The following KLF12 variants were observed in gnomAD, a reference collection of about 807,000 sequenced individuals.
The protein encoded by KLF12 is Krueppel-like factor 12.
Under a neutral mutation model 37.8 loss-of-function variants are expected in KLF12, and 9 were observed. That is an observed-to-expected ratio of 0.24 (90% CI 0.14 to 0.42). The LOEUF (loss-of-function observed/expected upper bound fraction) is 0.42, where lower values mean the gene tolerates loss of function less well. Ranked by LOEUF, KLF12 falls within the 10% of genes least tolerant of loss-of-function variation. The probability of loss-of-function intolerance (pLI) is 1.00; values close to 1 mark genes in which losing one functional copy is unlikely to be tolerated. For synonymous variants in KLF12, 208 were observed against 202.1 expected (o/e 1.03, Z -0.25); for missense variants, 411 against 516.0 (o/e 0.80, Z 1.97).
intron 1 of KLF12, among the ~76,000 whole-genome samples, chr13:74,111,152 C>CAA (rs111753857): frequency 6.3e-5 from 6 of 94,796 alleles, no homozygotes; most frequent in Admixed American, 1.1e-4. Flanking sequence ...GACTATGTCT[C>CAA]AAAAAAAAAA....
At chr13:73,905,271 AATT>A (rs1888222361) in intron 3 of KLF12, among the ~76,000 whole-genome samples, 1 of 152,096 alleles carries the variant, frequency 6.6e-6, no homozygotes, top group Non-Finnish European at 1.5e-5. Flanking sequence ...ATAACTTTCA[AATT>A]ATTGTTTTAC....
chr13:73,817,740 C>T (rs914345864), intron 4 of KLF12, among the ~76,000 whole-genome samples: 7 of 152,320 alleles, frequency 4.6e-5, no homozygotes, highest in East Asian at 3.9e-4. Context: ...TTTTAACCAA[C>T]GGAGCTGTCT....
chr13:74,078,964 G>A (rs555919531), intron 1 of KLF12, among the ~76,000 whole-genome samples: 77 of 152,100 alleles, frequency 5.1e-4, no homozygotes, highest in Non-Finnish European at 8.1e-4. Flanking sequence ...ATGCCAAATC[G>A]CCTTCAGAGA....
At chr13:74,172,116 G>C in the KLF12 span, among the ~76,000 whole-genome samples, 1 of 139,016 alleles carries the variant, frequency 7.2e-6, no homozygotes. Context: ...AATGTAGATG[G>C]ATCAATCCAA....
the KLF12 span, among the ~76,000 whole-genome samples, chr13:74,255,877 C>A: frequency 6.6e-6 from 1 of 152,034 alleles, no homozygotes; most frequent in African/African-American, 2.4e-5. Flanking sequence ...GGAATGAGGC[C>A]GGGCACGGTG....
At chr13:74,194,029 A>T in the KLF12 span, among the ~76,000 whole-genome samples, 1 of 152,172 alleles carries the variant, frequency 6.6e-6, no homozygotes, top group Non-Finnish European at 1.5e-5. Flanking sequence ...TAAGGGAAAG[A>T]TTTCATTTTC....
chr13:74,040,934 G>T (rs1893384566), intron 1 of KLF12, among the ~76,000 whole-genome samples: 1 of 152,020 alleles, frequency 6.6e-6, no homozygotes, highest in Admixed American at 6.5e-5. Context: ...TCTATTAGTT[G>T]CCAAGTCCTA....
intron 5 of KLF12, among the ~76,000 whole-genome samples, chr13:73,796,977 T>C (rs9530243): frequency 0.12 from 18,616 of 152,024 alleles, 1,234 homozygotes; most frequent in Non-Finnish European, 0.15. Context: ...TAACTGGTGG[T>C]AAAAGGCATC....
chr13:73,902,141 T>C (rs547692155), intron 3 of KLF12, among the ~76,000 whole-genome samples: 8 of 152,200 alleles, frequency 5.3e-5, no homozygotes, highest in Non-Finnish European at 1.2e-4. Flanking sequence ...AGAACAAAAG[T>C]GTAATTACTT....
chr13:73,915,919 T>G (rs1035130304), intron 3 of KLF12, among the ~76,000 whole-genome samples: 1 of 152,064 alleles, frequency 6.6e-6, no homozygotes, highest in African/African-American at 2.4e-5. Flanking sequence ...CATGCAATTT[T>G]TCTAAAAACT....
chr13:74,072,982 T>C (rs762186912), intron 1 of KLF12, among the ~76,000 whole-genome samples: 1 of 152,100 alleles, frequency 6.6e-6, no homozygotes, highest in Non-Finnish European at 1.5e-5. Flanking sequence ...ATCATGGCGG[T>C]GGGTTCTTCC....
chr13:73,762,139 G>A (rs9318212), intron 6 of KLF12, among the ~76,000 whole-genome samples: 45,507 of 152,080 alleles, frequency 0.3, 7,144 homozygotes, highest in Middle Eastern at 0.38. Context: ...GAGTTAGCAG[G>A]CAGTTATAGC....
the KLF12 span, among the ~76,000 whole-genome samples, chr13:74,218,339 A>G: frequency 1.3e-5 from 2 of 152,228 alleles, no homozygotes; most frequent in Non-Finnish European, 2.9e-5. Flanking sequence ...CCGAGAAATG[A>G]GAGTTTCTTG....
At chr13:74,287,241 G>A in the KLF12 span, among the ~76,000 whole-genome samples, 4 of 152,016 alleles carry the variant, frequency 2.6e-5, no homozygotes, top group African/African-American at 9.7e-5. Context: ...GCTCATGCAG[G>A]TGACCTCTGT....
chr13:74,160,889 A>G, the KLF12 span, among the ~76,000 whole-genome samples: 4 of 152,106 alleles, frequency 2.6e-5, no homozygotes, highest in Non-Finnish European at 5.9e-5. Context: ...GATAGGCAAG[A>G]GATGGGAATA....
chr13:73,889,080 C>G (rs1476181396), intron 3 of KLF12, among the ~76,000 whole-genome samples: 1 of 152,118 alleles, frequency 6.6e-6, no homozygotes. Context: ...CATCTTTAGT[C>G]TTCTTCTGTT....
intron 2 of KLF12, among the ~76,000 whole-genome samples, chr13:73,959,656 A>C (rs928864775): frequency 6.6e-6 from 1 of 151,988 alleles, no homozygotes; most frequent in Non-Finnish European, 1.5e-5. Context: ...ACATATGTAA[A>C]ATTATATATC....
At chr13:74,063,834 CA>C (rs555276609) in intron 1 of KLF12, among the ~76,000 whole-genome samples, 18 of 152,080 alleles carry the variant, frequency 1.2e-4, no homozygotes, top group African/African-American at 3.9e-4. Flanking sequence ...CACATACTAG[CA>C]AAAAAATACT....
At chr13:74,193,856 C>A in the KLF12 span, among the ~76,000 whole-genome samples, 2 of 152,166 alleles carry the variant, frequency 1.3e-5, no homozygotes, top group Admixed American at 1.3e-4. Context: ...TGATTGCTAA[C>A]GTGTCCCTAT....
Sources: gnomAD v4.1 joint callset for allele counts (sites outside exome capture counted in the v4.1 genomes callset) on GRCh38, gnomAD v4.1.1 for gene constraint, MANE v1.5 for transcripts, NCBI Gene and HGNC (gene_info 2026-07-23, HGNC 2026-07-21) for gene names.